Variants in CTNNBL1 observed in about 807,000 individuals in gnomAD.
CTNNBL1 encodes beta-catenin-like protein 1.
Under a neutral mutation model 72.7 loss-of-function variants are expected in CTNNBL1, and 31 were observed. The ratio of observed to expected loss-of-function variants is 0.43; its 90% CI spans 0.32 to 0.58. CTNNBL1 has a LOEUF of 0.58. Among genes scored for constraint, CTNNBL1 ranks in the 20% least tolerant of loss-of-function variants. The probability of loss-of-function intolerance (pLI) is 0.08; values close to 1 mark genes in which losing one functional copy is unlikely to be tolerated. For missense variants in CTNNBL1, 534 were observed against 725.1 expected, an observed-to-expected ratio of 0.74 and a Z score of 3.03; for synonymous variants, 240 against 267.3, an observed-to-expected ratio of 0.90 and a Z score of 1.00.
At chr20:37,724,553 G>C (rs1382948740) in intron 1 of CTNNBL1, among the ~76,000 whole-genome samples, 1 of 152,118 alleles carries the variant, frequency 6.6e-6, no homozygotes, top group African/African-American at 2.4e-5. Flanking sequence ...TGAGTGTCTG[G>C]TCACTGGAGG....
intron 15 of CTNNBL1, among the ~76,000 whole-genome samples, chr20:37,862,488 A>T (rs1409100819): frequency 6.6e-6 from 1 of 152,140 alleles, no homozygotes; most frequent in African/African-American, 2.4e-5. Flanking sequence ...TAAGTGATTC[A>T]CAATTTTCCA....
intron 11 of CTNNBL1, among the ~76,000 whole-genome samples, chr20:37,838,270 A>T (rs1209941145): frequency 1.3e-5 from 2 of 152,112 alleles, no homozygotes; most frequent in Non-Finnish European, 2.9e-5. Context: ...TGCTCTATGG[A>T]GATTAGGCCA....
intron 13 of CTNNBL1, among the ~76,000 whole-genome samples, chr20:37,858,609 G>A: frequency 6.6e-6 from 1 of 151,750 alleles, no homozygotes; most frequent in East Asian, 1.9e-4. Context: ...GTTGGGGGAT[G>A]GTAAAGATGT....
At chr20:37,842,491 C>A in intron 13 of CTNNBL1, 72 bp downstream of exon 13, 1 of 993,472 alleles carries the variant, frequency 1.0e-6, no homozygotes, top group Non-Finnish European at 1.6e-6. Context: ...TTCCTCCCAT[C>A]ACCCCACAGG....
intron 1 of CTNNBL1, among the ~76,000 whole-genome samples, chr20:37,726,518 G>A (rs2073086063): frequency 6.6e-6 from 1 of 152,200 alleles, no homozygotes; most frequent in Non-Finnish European, 1.5e-5. Flanking sequence ...TATAAAGAGA[G>A]AGAGAGACTA....
intron 15 of CTNNBL1, among the ~76,000 whole-genome samples, chr20:37,865,552 CTG>C (rs925185900): frequency 1.7e-4 from 26 of 152,192 alleles, no homozygotes; most frequent in Admixed American, 6.5e-4. Context: ...CATTCTGTCT[CTG>C]TGGCTGCCTG....
chr20:37,761,362 A>C (rs544688232), intron 5 of CTNNBL1, among the ~76,000 whole-genome samples: 2 of 152,344 alleles, frequency 1.3e-5, no homozygotes, highest in East Asian at 3.9e-4. Context: ...CTGAAATGTT[A>C]AACTTTGAAG....
intron 1 of CTNNBL1, among the ~76,000 whole-genome samples, chr20:37,731,305 G>A (rs1186692950): frequency 4.0e-5 from 6 of 151,224 alleles, no homozygotes; most frequent in African/African-American, 1.5e-4. Context: ...GCACGATCTC[G>A]GCTCACCGCA....
chr20:37,776,049 T>G (rs546380528), intron 7 of CTNNBL1, among the ~76,000 whole-genome samples: 2 of 152,342 alleles, frequency 1.3e-5, no homozygotes, highest in East Asian at 3.9e-4. Context: ...CACCTTCATG[T>G]TTTGATTTTC....
chr20:37,742,390 G>T (rs1413975571), intron 3 of CTNNBL1, among the ~76,000 whole-genome samples: 2 of 152,196 alleles, frequency 1.3e-5, no homozygotes, highest in Non-Finnish European at 2.9e-5. Flanking sequence ...GTCCAGAGAT[G>T]AATAAGAAAT....
intron 10 of CTNNBL1, 67 bp from the exon 11 acceptor site, chr20:37,802,800 C>T (rs2073833284): frequency 1.0e-4 from 107 of 1,038,018 alleles, no homozygotes; most frequent in Non-Finnish European, 1.3e-4. Flanking sequence ...AGCAAATACC[C>T]TTTTTTTTTT....
intron 10 of CTNNBL1, among the ~76,000 whole-genome samples, chr20:37,782,676 T>C (rs1310281155): frequency 2.6e-5 from 4 of 152,228 alleles, no homozygotes; most frequent in African/African-American, 7.2e-5. Flanking sequence ...GTAATCAATA[T>C]GACAAAATTA....
At chr20:37,826,169 G>A (rs1199528539) in intron 11 of CTNNBL1, among the ~76,000 whole-genome samples, 1 of 152,206 alleles carries the variant, frequency 6.6e-6, no homozygotes, top group Non-Finnish European at 1.5e-5. Flanking sequence ...GAGAAGTAAT[G>A]TAGCACAGAA....
intron 1 of CTNNBL1, among the ~76,000 whole-genome samples, chr20:37,714,196 T>C (rs905665947): frequency 2.0e-5 from 3 of 152,208 alleles, no homozygotes; most frequent in African/African-American, 4.8e-5. Context: ...CTTGATTACA[T>C]ACTTTTCTTA....
chr20:37,724,388 G>A (rs1600445729), intron 1 of CTNNBL1, among the ~76,000 whole-genome samples: 1 of 152,042 alleles, frequency 6.6e-6, no homozygotes, highest in Admixed American at 6.6e-5. Flanking sequence ...AAATGTGAGC[G>A]AGACTAGAAA....
chr20:37,728,996 C>G (rs1325130073), intron 1 of CTNNBL1, among the ~76,000 whole-genome samples: 1 of 152,222 alleles, frequency 6.6e-6, no homozygotes, highest in East Asian at 1.9e-4. Flanking sequence ...ATACACGACC[C>G]TGTTGGAAGC....
intron 1 of CTNNBL1, among the ~76,000 whole-genome samples, chr20:37,718,418 C>T (rs1405491956): frequency 2.9e-5 from 4 of 138,630 alleles, no homozygotes; most frequent in Non-Finnish European, 6.3e-5. Flanking sequence ...GGGGGCTGAC[C>T]CCCCCACCTC....
At chr20:37,730,307 A>G (rs914014176) in intron 1 of CTNNBL1, among the ~76,000 whole-genome samples, 6 of 152,226 alleles carry the variant, frequency 3.9e-5, no homozygotes, top group Admixed American at 2.6e-4. Context: ...TGTGATTACT[A>G]TATCAGATAA....
chr20:37,740,123 T>G (rs1052227874), intron 3 of CTNNBL1, among the ~76,000 whole-genome samples: 3 of 152,198 alleles, frequency 2.0e-5, no homozygotes, highest in African/African-American at 7.2e-5. Flanking sequence ...TGTTTTCCAT[T>G]CAGACAAAAT....
Sources: gnomAD v4.1 joint callset for allele counts (sites outside exome capture counted in the v4.1 genomes callset) on GRCh38, gnomAD v4.1.1 for gene constraint, MANE v1.5 for transcripts, NCBI Gene and HGNC (gene_info 2026-07-23, HGNC 2026-07-21) for gene names.